The following NCAM2 variants were observed in gnomAD, a reference collection of about 807,000 sequenced individuals.
NCAM2 encodes neural cell adhesion molecule 2, also known as N-CAM-2.
Under a neutral mutation model 98.1 loss-of-function variants are expected in NCAM2, and 30 were observed. That is an observed-to-expected ratio of 0.31 (90% confidence interval 0.23 to 0.41). The LOEUF (loss-of-function observed/expected upper bound fraction) is 0.41. Ranked by LOEUF, NCAM2 falls within the 10% of genes least tolerant of loss-of-function variation. The pLI is 1.00. For synonymous variants in NCAM2, 368 were observed against 342.4 expected (o/e 1.07, Z -0.83); for missense variants, 867 against 1,005.8 (o/e 0.86, Z 1.87).
chr21:21,460,983 G>A (rs1426788122), intron 12 of NCAM2, among the ~76,000 whole-genome samples: 3 of 151,698 alleles, frequency 2.0e-5, no homozygotes, highest in African/African-American at 7.3e-5. Context: ...TGGCAGTATG[G>A]ACATTTAGGG....
At chr21:21,335,319 T>G (rs1193588485) in intron 6 of NCAM2, among the ~76,000 whole-genome samples, 186 bp from the exon 7 acceptor site, 1 of 152,160 alleles carries the variant, frequency 6.6e-6, no homozygotes. Context: ...AAATTTCAAG[T>G]ATAATTTTAT....
At chr21:21,019,969 T>G (rs1185463834) in intron 1 of NCAM2, among the ~76,000 whole-genome samples, 3 of 152,188 alleles carry the variant, frequency 2.0e-5, no homozygotes, top group African/African-American at 7.2e-5. Context: ...GTTTATTAAC[T>G]GACTAACTGC....
In NCAM2 at chr21:21,157,249, A is replaced by C. The variant is rs1341379977; in HGVS notation, c.56-123329A>C. Among the ~76,000 whole-genome samples the C allele has an allele frequency of 2.6e-5, 4 of 152,114 alleles. 1 individual carries two copies. The highest frequency in any genetic ancestry group is 1.3e-4 in the Admixed American group (2 of 15,260). On this transcript the variant is annotated intron_variant, in intron 1 of 17. Coordinates refer to ENST00000400546, the MANE Select transcript of NCAM2 (RefSeq NM_004540.5). Reference sequence around the variant, plus strand: ...GCAAGAAGAGCAATTCACTACTTGAACCCGAGCTAAAATAAACTTCCACAT... The same window carrying C: ...GCAAGAAGAGCAATTCACTACTTGACCCCGAGCTAAAATAAACTTCCACAT...
intron 5 of NCAM2, among the ~76,000 whole-genome samples, chr21:21,299,824 A>G (rs1037168837): frequency 1.3e-5 from 2 of 152,064 alleles, no homozygotes; most frequent in African/African-American, 4.8e-5. Flanking sequence ...CTTGGTATCT[A>G]TGGGAAGTTG....
At chr21:21,347,196 T>G (rs1387068588) in intron 8 of NCAM2, among the ~76,000 whole-genome samples, 1 of 151,858 alleles carries the variant, frequency 6.6e-6, no homozygotes, top group African/African-American at 2.4e-5. Context: ...CAACCAATAC[T>G]GATGAGCAAC....
At chr21:21,207,396 T>A (rs1021424848) in intron 1 of NCAM2, among the ~76,000 whole-genome samples, 3 of 152,112 alleles carry the variant, frequency 2.0e-5, no homozygotes, top group African/African-American at 7.2e-5. Context: ...AGGGCAGGTG[T>A]TGAGAGATGG....
chr21:21,351,695 C>A (rs1735420148), intron 8 of NCAM2, among the ~76,000 whole-genome samples: 1 of 152,012 alleles, frequency 6.6e-6, no homozygotes, highest in Non-Finnish European at 1.5e-5. Context: ...CTAAATATTG[C>A]CACTTTATAT....
chr21:21,354,616 A>AC (rs2075422602), intron 8 of NCAM2, among the ~76,000 whole-genome samples: 1 of 152,194 alleles, frequency 6.6e-6, no homozygotes, highest in Non-Finnish European at 1.5e-5. Context: ...TTTGTGTCCA[A>AC]ACATATTTTG....
chr21:21,351,350 T>G, intron 8 of NCAM2, among the ~76,000 whole-genome samples: 1 of 152,192 alleles, frequency 6.6e-6, no homozygotes, highest in Middle Eastern at 3.4e-3. Context: ...CAGCTTAAAC[T>G]TTTCATAGAA....
At chr21:21,125,438 A>T (rs2066777540) in intron 1 of NCAM2, among the ~76,000 whole-genome samples, 1 of 93,194 alleles carries the variant, frequency 1.1e-5, no homozygotes, top group African/African-American at 3.6e-5. Flanking sequence ...CATATGTAAT[A>T]TATAATGTAT....
At chr21:21,507,347 A>C (rs1952444968) in intron 15 of NCAM2, among the ~76,000 whole-genome samples, 1 of 152,180 alleles carries the variant, frequency 6.6e-6, no homozygotes, top group South Asian at 2.1e-4. Flanking sequence ...TATATAAAAC[A>C]AATACAGGTT....
At position 21,412,711 on chromosome 21, in the gene NCAM2, A is replaced by G. The variant is rs1052544002; in HGVS notation, c.1383+2250A>G. Among the ~76,000 whole-genome samples, 13 of 152,212 alleles carry G rather than the reference A, an allele frequency of 8.5e-5. No individual in the cohort carries two copies. In the East Asian group the frequency reaches 1.5e-3, roughly 18 times the overall value. On this transcript the variant is annotated intron_variant, in intron 10 of 17. Coordinates refer to ENST00000400546, the MANE Select transcript of NCAM2 (RefSeq NM_004540.5). The stretch of plus-strand genomic sequence containing the variant: ...GCTAAACCACTGACTTTAAACAGAC[A>G]TGTTTATGTGTATACTCTCACAAAT...
At chr21:21,479,992 T>G (rs1300715644) in intron 15 of NCAM2, among the ~76,000 whole-genome samples, 1 of 152,104 alleles carries the variant, frequency 6.6e-6, no homozygotes, top group Non-Finnish European at 1.5e-5. Context: ...AGGATTTATC[T>G]GTGAAAAATA....
chr21:21,483,468 A>T (rs1986073767), intron 15 of NCAM2, among the ~76,000 whole-genome samples: 1 of 152,082 alleles, frequency 6.6e-6, no homozygotes, highest in South Asian at 2.1e-4. Flanking sequence ...ACTATACAGT[A>T]AAATTATTTT....
At chr21:21,489,330 A>T (rs1206036670) in intron 15 of NCAM2, among the ~76,000 whole-genome samples, 1 of 151,672 alleles carries the variant, frequency 6.6e-6, no homozygotes, top group Non-Finnish European at 1.5e-5. Flanking sequence ...ATTTTCTTTT[A>T]TCCTTTCTTA....
At chr21:21,018,811 G>A (rs973369352) in intron 1 of NCAM2, among the ~76,000 whole-genome samples, 1 of 150,618 alleles carries the variant, frequency 6.6e-6, no homozygotes, top group Non-Finnish European at 1.5e-5. Context: ...TTTATTGCTA[G>A]CAGGTTTATG....
chr21:21,242,414 T>C (rs1233148095), intron 1 of NCAM2, among the ~76,000 whole-genome samples: 1 of 152,198 alleles, frequency 6.6e-6, no homozygotes, highest in East Asian at 1.9e-4. Flanking sequence ...AGTCATTCTG[T>C]ACAATAGATT....
chr21:21,084,577 A>T (rs915309545), intron 1 of NCAM2, among the ~76,000 whole-genome samples: 5 of 152,180 alleles, frequency 3.3e-5, no homozygotes, highest in Non-Finnish European at 5.9e-5. Flanking sequence ...AGTATGTATG[A>T]TGTTTAAGTT....
chr21:21,463,876 T>TG (rs1214202269), intron 12 of NCAM2: 9 of 151,986 alleles, frequency 5.9e-5, no homozygotes, highest in African/African-American at 1.9e-4. Context: ...CTGGGGTATG[T>TG]GGGGTGAGTA....
Sources: allele counts gnomAD v4.1 joint callset (sites outside exome capture counted in the v4.1 genomes callset), GRCh38; gene constraint gnomAD v4.1.1; transcripts MANE v1.5; gene names NCBI Gene and HGNC (gene_info 2026-07-23, HGNC 2026-07-21).